Variants in ATRNL1 observed in about 807,000 individuals in gnomAD.
ATRNL1 encodes attractin-like protein 1.
A neutral mutation model predicts 182.7 loss-of-function variants in ATRNL1; 95 were observed. The observed-to-expected ratio is 0.52, with a 90% CI of 0.44 to 0.62. The LOEUF (loss-of-function observed/expected upper bound fraction) is 0.62. Among genes scored for constraint, ATRNL1 ranks in the 20% least tolerant of loss-of-function variants. ATRNL1 has a pLI of 0.00. For synonymous variants in ATRNL1, 576 were observed against 568.3 expected (o/e 1.01, Z -0.19); for missense variants, 1,471 against 1,679.5 (o/e 0.88, Z 2.17).
intron 10 of ATRNL1, among the ~76,000 whole-genome samples, chr10:115,259,335 C>A (rs1373055096): frequency 1.3e-5 from 2 of 152,106 alleles, no homozygotes; most frequent in South Asian, 4.1e-4. Context: ...GGCGGATGCA[C>A]CCCCCAGCCA....
At chr10:115,172,058 G>A (rs2144099019) in intron 8 of ATRNL1, among the ~76,000 whole-genome samples, 1 of 152,110 alleles carries the variant, frequency 6.6e-6, no homozygotes, top group Non-Finnish European at 1.5e-5. Flanking sequence ...TAGAGTCCTT[G>A]TGCAGTCTTA....
intron 8 of ATRNL1, among the ~76,000 whole-genome samples, chr10:115,203,513 T>G (rs1422425929): frequency 1.3e-5 from 2 of 151,950 alleles, no homozygotes; most frequent in African/African-American, 4.8e-5. Flanking sequence ...GTACTCTTCT[T>G]GAGCGTTTAG....
chr10:115,740,220 T>C (rs1281105035), intron 27 of ATRNL1, among the ~76,000 whole-genome samples: 3 of 152,192 alleles, frequency 2.0e-5, no homozygotes, highest in African/African-American at 7.2e-5. Flanking sequence ...AATCTTAATA[T>C]AGATTTTTTT....
chr10:115,405,523 A>T (rs1202903339), intron 20 of ATRNL1, among the ~76,000 whole-genome samples: 1 of 152,152 alleles, frequency 6.6e-6, no homozygotes, highest in African/African-American at 2.4e-5. Flanking sequence ...TGCCGGTGCA[A>T]ATATGATATC....
chr10:115,495,225 G>T (rs1849486070), intron 24 of ATRNL1, among the ~76,000 whole-genome samples: 1 of 151,854 alleles, frequency 6.6e-6, no homozygotes, highest in Admixed American at 6.6e-5. Flanking sequence ...TTTTTCTTTA[G>T]TAGTATAGCT....
chr10:115,632,450 A>G (rs1215287495), intron 26 of ATRNL1, among the ~76,000 whole-genome samples: 1 of 152,198 alleles, frequency 6.6e-6, no homozygotes, highest in Non-Finnish European at 1.5e-5. Context: ...ATTAACAGTA[A>G]TAATAGGGAT....
intron 24 of ATRNL1, among the ~76,000 whole-genome samples, chr10:115,470,747 A>C (rs922955993): frequency 6.6e-6 from 1 of 150,578 alleles, no homozygotes; most frequent in African/African-American, 2.4e-5. Context: ...CGAGGTTGAA[A>C]TACTCCACTC....
At chr10:115,853,327 G>A (rs554549688) in intron 28 of ATRNL1, among the ~76,000 whole-genome samples, 4 of 152,236 alleles carry the variant, frequency 2.6e-5, no homozygotes, top group South Asian at 2.1e-4. Flanking sequence ...AATCTTCCTA[G>A]CATGTTTGAA....
At chr10:115,527,057 G>A (rs1174281507) in intron 25 of ATRNL1, among the ~76,000 whole-genome samples, 2 of 151,726 alleles carry the variant, frequency 1.3e-5, no homozygotes, top group Non-Finnish European at 2.9e-5. Flanking sequence ...GGATTTCAGA[G>A]TGCAGTAGCT....
At chr10:115,240,944 A>G (rs1000954919) in intron 9 of ATRNL1, among the ~76,000 whole-genome samples, 1 of 152,064 alleles carries the variant, frequency 6.6e-6, no homozygotes, top group Non-Finnish European at 1.5e-5. Context: ...CTATTCATCA[A>G]TGAGTGCAAT....
intron 26 of ATRNL1, among the ~76,000 whole-genome samples, chr10:115,590,624 C>G (rs934553127): frequency 6.6e-6 from 1 of 151,988 alleles, no homozygotes; most frequent in African/African-American, 2.4e-5. Flanking sequence ...AAAATATAGT[C>G]ACTTCCCACC....
At chr10:115,304,240 C>A (rs1853618841) in intron 17 of ATRNL1, among the ~76,000 whole-genome samples, 1 of 152,156 alleles carries the variant, frequency 6.6e-6, no homozygotes, top group Non-Finnish European at 1.5e-5. Flanking sequence ...ATAGGAGCAG[C>A]CACTGGCAGC....
chr10:115,472,033 T>A (rs1475986864), intron 24 of ATRNL1, among the ~76,000 whole-genome samples: 2 of 151,034 alleles, frequency 1.3e-5, no homozygotes, highest in Non-Finnish European at 3.0e-5. Flanking sequence ...GTGTATGGTA[T>A]AAAGTAAGAA....
At chr10:115,801,146 G>C (rs1949783339) in intron 27 of ATRNL1, among the ~76,000 whole-genome samples, 1 of 152,158 alleles carries the variant, frequency 6.6e-6, no homozygotes, top group Non-Finnish European at 1.5e-5. Flanking sequence ...AACCCTTCCT[G>C]TCTTGCTTTA....
chr10:115,549,479 G>T lies in ATRNL1; in HGVS notation c.3738G>T (p.Leu1246=). Residue 1246 remains leucine, a synonymous_variant, in exon 26 of 29, where the codon CTG becomes CTT. Transcript: ENST00000355044. ...TFFSCFLSLL[L]VAAVVWKIKQ... ...CCAGTTGTTTCCTATCCTTATTGCTGGTGGCTGCTGTGGTATGGAAGATCA... is the reference window on the plus strand; with the variant it reads ...CCAGTTGTTTCCTATCCTTATTGCTTGTGGCTGCTGTGGTATGGAAGATCA... 6.2e-7 allele frequency: 1 copy of T among 1,601,508 alleles called. No homozygotes were observed. Among genetic ancestry groups the T allele is most frequent in the Non-Finnish European group, 8.5e-7 (1 of 1,173,266 alleles).
intron 27 of ATRNL1, among the ~76,000 whole-genome samples, chr10:115,791,658 C>T (rs1383921174): frequency 6.6e-6 from 1 of 152,060 alleles, no homozygotes; most frequent in Non-Finnish European, 1.5e-5. Context: ...AAAACTTATT[C>T]TCAGCCCAAG....
At chr10:115,717,548 C>CTTTTGTTTTTT (rs1947291684) in intron 26 of ATRNL1, among the ~76,000 whole-genome samples, 1 of 84,350 alleles carries the variant, frequency 1.2e-5, no homozygotes, top group Non-Finnish European at 2.2e-5. Context: ...CTGAAATGTT[C>CTTTTGTTTTTT]TTTTTTTTTT....
intron 5 of ATRNL1, among the ~76,000 whole-genome samples, chr10:115,136,161 G>A (rs1448211657): frequency 6.6e-6 from 1 of 151,822 alleles, no homozygotes; most frequent in Admixed American, 6.6e-5. Context: ...CAAGTTTGTT[G>A]TATAATATTT....
At chr10:115,621,062 G>C (rs1555022602) in intron 26 of ATRNL1, among the ~76,000 whole-genome samples, 1 of 151,238 alleles carries the variant, frequency 6.6e-6, no homozygotes, top group Non-Finnish European at 1.5e-5. Flanking sequence ...GATTTTCCTT[G>C]TTTTTATTTA....
Sources: gnomAD v4.1 joint callset for allele counts (sites outside exome capture counted in the v4.1 genomes callset) on GRCh38, gnomAD v4.1.1 for gene constraint, MANE v1.5 for transcripts, NCBI Gene and HGNC (gene_info 2026-07-23, HGNC 2026-07-21) for gene names.